KCNQ5: variants seen among roughly 807,000 people sequenced by gnomAD.
KCNQ5 encodes the protein potassium voltage-gated channel subfamily Q member 5, also known as potassium voltage-gated channel subfamily KQT member 5.
In KCNQ5, 30 loss-of-function variants were observed where a neutral mutation model predicts 98.2. The observed-to-expected ratio is 0.31, with a 90% confidence interval of 0.23 to 0.41. The LOEUF is 0.41. Ranked by LOEUF, KCNQ5 falls within the 10% of genes least tolerant of loss-of-function variation. The probability of loss-of-function intolerance (pLI) is 1.00; values close to 1 mark genes in which losing one functional copy is unlikely to be tolerated. For synonymous variants in KCNQ5, 458 were observed against 449.4 expected (o/e 1.02, Z -0.24); for missense variants, 835 against 1,182.5 (o/e 0.71, Z 4.31).
chr6:72,899,430 G>A (rs1020313912), intron 1 of KCNQ5, among the ~76,000 whole-genome samples: 32 of 152,030 alleles, frequency 2.1e-4, no homozygotes, highest in African/African-American at 5.3e-4. Flanking sequence ...ATGAGAGTGC[G>A]ATTATGGGGT....
At chr6:72,826,023 G>A (rs1469229392) in intron 1 of KCNQ5, among the ~76,000 whole-genome samples, 5 of 152,064 alleles carry the variant, frequency 3.3e-5, no homozygotes, top group Non-Finnish European at 7.4e-5. Flanking sequence ...CTTCTCTGGT[G>A]GAAAAGCCAT....
intron 1 of KCNQ5, among the ~76,000 whole-genome samples, chr6:72,859,962 C>G (rs1186440717): frequency 7.3e-6 from 1 of 137,850 alleles, no homozygotes; most frequent in Admixed American, 7.4e-5. Context: ...TCCTATTCAC[C>G]AAAAAAAAAA....
intron 3 of KCNQ5, among the ~76,000 whole-genome samples, chr6:73,072,148 G>C (rs1249696463): frequency 1.3e-5 from 2 of 151,942 alleles, no homozygotes; most frequent in African/African-American, 4.8e-5. Context: ...TTAGTTATTA[G>C]GGAAAACTTT....
intron 1 of KCNQ5, among the ~76,000 whole-genome samples, chr6:72,921,806 GT>G (rs1267086392): frequency 2.0e-5 from 3 of 152,114 alleles, no homozygotes; most frequent in African/African-American, 4.8e-5. Context: ...AAATTTCCCA[GT>G]GGACCAAAAC....
chr6:72,941,044 A>G (rs956562409), intron 1 of KCNQ5, among the ~76,000 whole-genome samples: 10 of 152,330 alleles, frequency 6.6e-5, no homozygotes, highest in Admixed American at 3.3e-4. Flanking sequence ...TTAAACAAAG[A>G]TTCAGAAATC....
At chr6:72,652,532 C>T (rs1765929331) in intron 1 of KCNQ5, among the ~76,000 whole-genome samples, 1 of 151,926 alleles carries the variant, frequency 6.6e-6, no homozygotes, top group Non-Finnish European at 1.5e-5. Context: ...TAGAATTGAG[C>T]AGGATTGAAC....
chr6:73,119,073 A>G (rs747548063), intron 7 of KCNQ5, among the ~76,000 whole-genome samples: 5 of 152,066 alleles, frequency 3.3e-5, no homozygotes, highest in Non-Finnish European at 7.3e-5. Context: ...AAATGTTTTG[A>G]TTAATCTACT....
At chr6:72,890,742 C>G (rs1779026121) in intron 1 of KCNQ5, among the ~76,000 whole-genome samples, 1 of 152,170 alleles carries the variant, frequency 6.6e-6, no homozygotes, top group Admixed American at 6.6e-5. Context: ...GTGGAGGTCC[C>G]AGTGACAAGC....
chr6:72,708,376 G>T (rs1282677613), intron 1 of KCNQ5, among the ~76,000 whole-genome samples: 1 of 151,974 alleles, frequency 6.6e-6, no homozygotes, highest in African/African-American at 2.4e-5. Flanking sequence ...TGGAAAAGAG[G>T]GTGGGGAAAA....
intron 1 of KCNQ5, among the ~76,000 whole-genome samples, chr6:72,957,963 C>T (rs1767166987): frequency 6.6e-6 from 1 of 152,138 alleles, no homozygotes; most frequent in East Asian, 1.9e-4. Context: ...CTGAGCCCTC[C>T]TTCAGAATGA....
intron 1 of KCNQ5, among the ~76,000 whole-genome samples, chr6:72,651,335 T>C (rs1765866039): frequency 6.6e-6 from 1 of 152,064 alleles, no homozygotes; most frequent in Admixed American, 6.6e-5. Flanking sequence ...CATAGATAGA[T>C]ACTCTGTAAT....
At chr6:73,000,104 C>T (rs1056772323) in intron 1 of KCNQ5, among the ~76,000 whole-genome samples, 14 of 152,086 alleles carry the variant, frequency 9.2e-5, no homozygotes, top group South Asian at 8.3e-4. Context: ...TAGAGAGGTG[C>T]GTTGGGGTCA....
chr6:72,744,053 G>C (rs1370467786), intron 1 of KCNQ5, among the ~76,000 whole-genome samples: 1 of 152,182 alleles, frequency 6.6e-6, no homozygotes, highest in African/African-American at 2.4e-5. Flanking sequence ...CACCAGGTCA[G>C]GGAAAAGATA....
chr6:73,156,486 G>T (rs1383395226), intron 10 of KCNQ5, among the ~76,000 whole-genome samples: 1 of 152,110 alleles, frequency 6.6e-6, no homozygotes, highest in East Asian at 1.9e-4. Flanking sequence ...ATAGCCAGGC[G>T]TGGTGGTGCG....
chr6:73,104,026 T>A (rs1372849131), intron 5 of KCNQ5, among the ~76,000 whole-genome samples: 1 of 151,948 alleles, frequency 6.6e-6, no homozygotes, highest in Non-Finnish European at 1.5e-5. Context: ...ATTAATAAAT[T>A]ATTAGTTTGA....
chr6:72,751,346 A>G (rs944011829), intron 1 of KCNQ5, among the ~76,000 whole-genome samples: 3 of 152,030 alleles, frequency 2.0e-5, no homozygotes, highest in Non-Finnish European at 4.4e-5. Flanking sequence ...ATAAGAGATG[A>G]AAACATAAGT....
chr6:73,185,271 T>C (rs1309366508), intron 11 of KCNQ5, among the ~76,000 whole-genome samples: 2 of 152,170 alleles, frequency 1.3e-5, no homozygotes, highest in Non-Finnish European at 2.9e-5. Flanking sequence ...AGCCTCGACC[T>C]CCTGGGCTTA....
chr6:73,058,715 A>G lies in KCNQ5; in HGVS notation c.616+16653A>G, dbSNP rs570196113. On this transcript the variant is annotated intron_variant, in intron 3 of 13. Coordinates refer to ENST00000370398, the MANE Select transcript of KCNQ5 (RefSeq NM_019842.4). ...TGTAAGGAATTTAAACAAATTTATA[A>G]GCAAAAAAACAAACAACACCATTAA... Among the ~76,000 whole-genome samples, 25 of 152,352 alleles carry G rather than the reference A, an allele frequency of 1.6e-4. No individual in the cohort carries two copies. The South Asian group carries it at 5.0e-3, about 30-fold the overall frequency.
chr6:73,099,585 A>T (rs1774673863), intron 5 of KCNQ5, among the ~76,000 whole-genome samples: 1 of 152,214 alleles, frequency 6.6e-6, no homozygotes, highest in South Asian at 2.1e-4. Context: ...GAGACAAGGA[A>T]GGTCATTATA....
Sources: allele counts gnomAD v4.1 joint callset (sites outside exome capture counted in the v4.1 genomes callset), GRCh38; gene constraint gnomAD v4.1.1; transcripts MANE v1.5; gene names NCBI Gene and HGNC (gene_info 2026-07-23, HGNC 2026-07-21).